RFX1: variants seen among roughly 807,000 people sequenced by gnomAD.
RFX1 encodes the protein MHC class II regulatory factor RFX1.
In RFX1, 42 loss-of-function variants were observed where a neutral mutation model predicts 119.6. The ratio of observed to expected loss-of-function variants is 0.35; its 90% CI spans 0.27 to 0.45. The LOEUF (loss-of-function observed/expected upper bound fraction) is 0.45. Ranked by LOEUF, RFX1 falls within the 20% of genes least tolerant of loss-of-function variation. RFX1 has a pLI of 1.00. For synonymous variants in RFX1, 628 were observed against 618.5 expected, an observed-to-expected ratio of 1.02 and a Z score of -0.23; for missense variants, 1,118 against 1,368.1, an observed-to-expected ratio of 0.82 and a Z score of 2.88.
In RFX1 at chr19:13,966,839, C is replaced by T; in HGVS notation, c.1733-88G>A. 1.1e-6 allele frequency: 1 copy of T among 881,810 alleles called. No individual in the cohort carries two copies. Among genetic ancestry groups the T allele is most frequent in the South Asian group, 1.6e-5 (1 of 60,902 alleles). The allele number at this position is 881,810 out of a possible 1,614,324, so 54.6% of individuals were successfully genotyped here. On this transcript the variant is annotated intron_variant, in intron 12 of 20. Coordinates refer to ENST00000254325, the MANE Select transcript of RFX1 (RefSeq NM_002918.5). The surrounding 1 kb of genome is among the most constrained non-coding windows in gnomAD (Gnocchi z 6.3). ...ACTGACCTGTCCGTTTCCCATCAGA[C>T]TGGGGTCCCCCATGTGCCGGTGAGA... is the stretch of plus-strand genomic sequence containing the variant.
chr19:13,985,182 A>AT lies in RFX1; in HGVS notation c.320-1588dup, dbSNP rs780022188. ...TGGCTGACAGTAAGAGCTTTCCGGG[A>AT]TTTTTTTTTTTTTTTGAGACAGGGT... is the stretch of plus-strand genomic sequence containing the variant. On this transcript the variant is annotated intron_variant, in intron 2 of 20. Coordinates refer to ENST00000254325, the MANE Select transcript of RFX1 (RefSeq NM_002918.5). The surrounding 1 kb of genome is among the most constrained non-coding windows in gnomAD (Gnocchi z 4.3). 0.014 allele frequency among the ~76,000 whole-genome samples: 1,662 copies of AT among 121,530 alleles called. 32 individuals are homozygous for AT. Among genetic ancestry groups the AT allele is most frequent in the African/African-American group, 0.045 (1,422 of 31,950 alleles). The allele number at this position is 121,530 out of a possible 152,430, so 79.7% of individuals were successfully genotyped here. A position where few individuals can be genotyped will look rare whatever the true frequency, so the allele number is the denominator to read the frequency against.
chr19:13,964,453 A>C (rs2145530994), intron 16 of RFX1, among the ~76,000 whole-genome samples: 1 of 151,786 alleles, frequency 6.6e-6, no homozygotes, highest in South Asian at 2.1e-4. Flanking sequence ...CAGAAAGGGC[A>C]AACACTGCTT....
chr19:13,964,002 G>T lies in RFX1; in HGVS notation c.2217C>A (p.Ala739=), dbSNP rs1288466674. ...GTGTCTGCGCGAAGGCGCCAGCCGC[G>T]GCCACCTGCGTGCAGGGATTGAGGG... is the stretch of plus-strand genomic sequence containing the variant. ...IPEEMLRVKV[A]AAGAFAQTLR... The change falls in exon 17 of 21, where the codon GCC becomes GCA. Residue 739 remains alanine (A), a synonymous_variant. Transcript: ENST00000254325. The T allele has an allele frequency of 1.3e-6, 2 of 1,533,604 alleles. No individual in the cohort carries two copies. The highest frequency in any genetic ancestry group is 1.4e-5 in the African/African-American group (1 of 72,924). The allele number at this position is 1,533,604 out of a possible 1,614,324, so 95.0% of individuals were successfully genotyped here. A position where few individuals can be genotyped will look rare whatever the true frequency, so the allele number is the denominator to read the frequency against.
rs555836734 is a variant in RFX1, at chr19:13,961,809, A to G, written c.*886T>C. The G allele has an allele frequency of 2.6e-5, 4 of 152,492 alleles. No individual in the cohort carries two copies. The highest frequency in any genetic ancestry group is 1.9e-4 in the East Asian group (1 of 5,188). The allele number at this position is 152,492 out of a possible 1,614,324, so 9.4% of individuals were successfully genotyped here. A position where few individuals can be genotyped will look rare whatever the true frequency, so the allele number is the denominator to read the frequency against. Reference sequence around the variant, plus strand: ...GAAAACACTGAGAAAACTGGAACAGATAAGGCCATGATGGTTGGAAAAAAA... The same window carrying G: ...GAAAACACTGAGAAAACTGGAACAGGTAAGGCCATGATGGTTGGAAAAAAA... On this transcript the variant is annotated 3_prime_UTR_variant, in exon 21 of 21. Transcript: ENST00000254325.
In RFX1 at chr19:13,980,615, C is replaced by T; in HGVS notation, c.696G>A (p.Leu232=). Residue 232 remains leucine (L), a synonymous_variant, in exon 6 of 21, where the codon CTG becomes CTA. Transcript: ENST00000254325. This position sits in a 1 kb window ranked among gnomAD's most constrained non-coding sequence, Gnocchi z 5.1. ...GAPTGTVPQQ[L]QVHGVQQSVP... ...CACTCTGCTGGACGCCGTGGACCTGCAGCTGCTGTGGCACTGTGCCCGTGG... is the reference window on the plus strand; with the variant it reads ...CACTCTGCTGGACGCCGTGGACCTGTAGCTGCTGTGGCACTGTGCCCGTGG... 6.3e-7 allele frequency: 1 copy of T among 1,582,370 alleles called. No individual in the cohort carries two copies. The highest frequency in any genetic ancestry group is 8.5e-7 in the Non-Finnish European group (1 of 1,171,124).
chr19:13,980,339 C>T lies in RFX1; in HGVS notation c.738+234G>A, dbSNP rs1451792756. 3.3e-5 allele frequency among the ~76,000 whole-genome samples: 5 copies of T among 152,214 alleles called. No homozygotes were observed. Among genetic ancestry groups the T allele is most frequent in the Non-Finnish European group, 7.4e-5 (5 of 68,024 alleles). ...GCGGTTCCCATGGCCCACTACGCCCCAGTCTCCTTCCAGGAGGTTCAAATT... is the reference window on the plus strand; with the variant it reads ...GCGGTTCCCATGGCCCACTACGCCCTAGTCTCCTTCCAGGAGGTTCAAATT... On this transcript the variant is annotated intron_variant, in intron 6 of 20. Transcript: ENST00000254325. The surrounding 1 kb of genome is among the most constrained non-coding windows in gnomAD (Gnocchi z 5.1).
In RFX1 at chr19:13,963,675, C is replaced by A. The variant is rs1173637966; in HGVS notation, c.2433G>T (p.Thr811=). 1.9e-6 allele frequency: 3 copies of A among 1,604,158 alleles called. No homozygotes were observed. Among genetic ancestry groups the A allele is most frequent in the East Asian group, 2.2e-5 (1 of 44,602 alleles). Residue 811 remains threonine, a synonymous_variant, in exon 18 of 21, where the codon ACG becomes ACT. Coordinates refer to ENST00000254325, the MANE Select transcript of RFX1 (RefSeq NM_002918.5). ...VQRLEQDFKV[T]LQQQNSLEQW... is the part of the protein sequence containing the mutation. ...GCTCCAGCGAGTTCTGCTGCTGCAGCGTCACCTTGAAGTCCTGCTCCAGCC... is the reference window on the plus strand; with the variant it reads ...GCTCCAGCGAGTTCTGCTGCTGCAGAGTCACCTTGAAGTCCTGCTCCAGCC...
In RFX1 at chr19:13,990,770, T is replaced by C. The variant is rs1974775592; in HGVS notation, c.319+2755A>G. Reference sequence around the variant, plus strand: ...AGGCAGAGCTTGCAGTGAGCCGAGATCCTGCCACTGCACTCCAGCCTGGGT... The same window carrying C: ...AGGCAGAGCTTGCAGTGAGCCGAGACCCTGCCACTGCACTCCAGCCTGGGT... On this transcript the variant is annotated intron_variant, in intron 2 of 20. Transcript: ENST00000254325. This position sits in a 1 kb window ranked among gnomAD's most constrained non-coding sequence, Gnocchi z 4.1. Among the ~76,000 whole-genome samples the C allele has an allele frequency of 1.3e-5, 2 of 151,334 alleles. No individual in the cohort carries two copies. Among genetic ancestry groups the C allele is most frequent in the Non-Finnish European group, 2.9e-5 (2 of 67,892 alleles).
At chr19:13,963,377 C>A in intron 18 of RFX1, 102 bp from the exon 19 acceptor site, 1 of 1,467,794 alleles carries the variant, frequency 6.8e-7, no homozygotes, top group Non-Finnish European at 9.1e-7. Context: ...AGCCCAGTGA[C>A]TCAGGCTGGA....
chr19:13,982,934 C>T (rs546143358), intron 4 of RFX1: 40 of 519,178 alleles, frequency 7.7e-5, no homozygotes, highest in East Asian at 7.5e-4. Flanking sequence ...GGGTTGGACC[C>T]GCAAACCACC....
In RFX1 at chr19:13,963,828, T is replaced by G. The variant is rs769106676; in HGVS notation, c.2361+30A>C. 3 of 1,470,896 alleles carry G rather than the reference T, an allele frequency of 2.0e-6. No individual in the cohort carries two copies. In the Admixed American group the frequency reaches 6.8e-5, roughly 33 times the overall value. 91.1% of individuals were successfully genotyped at this position (1,470,896 alleles called of 1,614,324 possible). A position where few individuals can be genotyped will look rare whatever the true frequency, so the allele number is the denominator to read the frequency against. ...GCCCGCCCCGTTAGGCTGCCCCTCATTCGCCCGCCCCGCCCCGCCCCGCGC... is the reference window on the plus strand; with the variant it reads ...GCCCGCCCCGTTAGGCTGCCCCTCAGTCGCCCGCCCCGCCCCGCCCCGCGC... On this transcript the variant is annotated intron_variant, in intron 17 of 20. Coordinates refer to ENST00000254325, the MANE Select transcript of RFX1 (RefSeq NM_002918.5).
At chr19:14,006,482 G>A (rs1325109049), upstream of RFX1, 3 of 152,338 alleles carry the variant, frequency 2.0e-5, no homozygotes, top group African/African-American at 4.8e-5. Flanking sequence ...TGATTTATCA[G>A]TATGAATGTC....
chr19:13,997,016 G>A (rs974950387), intron 1 of RFX1, among the ~76,000 whole-genome samples: 5 of 152,070 alleles, frequency 3.3e-5, no homozygotes, highest in African/African-American at 9.7e-5. Context: ...GAGCCACCGC[G>A]CCCAACCTTC....
chr19:14,002,420 G>A (rs923219172), intron 1 of RFX1, among the ~76,000 whole-genome samples: 4 of 151,916 alleles, frequency 2.6e-5, no homozygotes, highest in Non-Finnish European at 4.4e-5. Context: ...GGGAGGTGGA[G>A]GTTGCGGTGA....
intron 9 of RFX1, among the ~76,000 whole-genome samples, chr19:13,972,217 G>C (rs1245808476): frequency 7.4e-6 from 1 of 134,628 alleles, no homozygotes; most frequent in Non-Finnish European, 1.6e-5. Context: ...TTTTTTTTGA[G>C]ACAGAATCTT....
intron 1 of RFX1, among the ~76,000 whole-genome samples, chr19:14,001,188 C>T (rs1055645442): frequency 2.6e-5 from 4 of 152,240 alleles, no homozygotes; most frequent in African/African-American, 9.6e-5. Context: ...GGCTTCTCCT[C>T]CTTATTCAGG....
chr19:13,968,876 G>C lies in RFX1; in HGVS notation c.1515C>G (p.His505Gln). Reference sequence around the variant, plus strand: ...TGGCCTTGATGCGCAGGCCATAGTAGTGGTACTTGGAGTTGCCCCTGGGAG... The same window carrying C: ...TGGCCTTGATGCGCAGGCCATAGTACTGGTACTTGGAGTTGCCCCTGGGAG... ...RLGTRGNSKYHYYGLRIKASS... is the reference protein window; with the variant it reads ...RLGTRGNSKYQYYGLRIKASS... Residue 505 changes from histidine (H) to glutamine (Q), a missense_variant, in exon 11 of 21, where the codon CAC becomes CAG. This residue lies in a region of RFX1 where 338 missense variants were observed against 508.9 expected (regional missense o/e 0.66). Coordinates refer to ENST00000254325, the MANE Select transcript of RFX1 (RefSeq NM_002918.5). This position sits in a 1 kb window ranked among gnomAD's most constrained non-coding sequence, Gnocchi z 5.5. 1.3e-6 allele frequency: 2 copies of C among 1,550,690 alleles called. No individual in the cohort carries two copies. The highest frequency in any genetic ancestry group is 1.7e-6 in the Non-Finnish European group (2 of 1,147,126).
intron 9 of RFX1, among the ~76,000 whole-genome samples, chr19:13,971,620 A>G (rs928204541): frequency 1.3e-5 from 2 of 152,052 alleles, no homozygotes; most frequent in East Asian, 3.9e-4. Context: ...TCTATAATCA[A>G]TTTTAATCAG....
intron 12 of RFX1, among the ~76,000 whole-genome samples, chr19:13,967,472 C>G (rs148209894): frequency 6.9e-6 from 1 of 145,496 alleles, no homozygotes; most frequent in African/African-American, 2.6e-5. Context: ...CCACTGCACC[C>G]GGCCTTTTTT....
Sources: gnomAD v4.1 joint callset for allele counts (sites outside exome capture counted in the v4.1 genomes callset) on GRCh38, gnomAD v4.1.1 for gene constraint, gnomAD v4.1.1 regional missense constraint, Gnocchi (gnomAD v3.1) non-coding constraint, MANE v1.5 for transcripts, NCBI Gene and HGNC (gene_info 2026-07-23, HGNC 2026-07-21) for gene names.